The following ACER3 variants were observed in gnomAD, a reference collection of about 807,000 sequenced individuals.
ACER3 encodes the protein alkCDase 3.
A neutral mutation model predicts 48.9 loss-of-function variants in ACER3; 16 were observed. The observed-to-expected ratio is 0.33, with a 90% CI of 0.22 to 0.50. ACER3 has a LOEUF of 0.50. ACER3 is among the 20% of genes least tolerant of loss of function. ACER3 has a pLI of 0.98. For missense variants in ACER3, 227 were observed against 326.0 expected, an observed-to-expected ratio of 0.70 and a Z score of 2.34; for synonymous variants, 109 against 107.8, an observed-to-expected ratio of 1.01 and a Z score of -0.07.
In ACER3 at chr11:77,022,553, C is replaced by T. The variant is rs889650782; in HGVS notation, c.*2226C>T. 3.3e-5 allele frequency: 5 copies of T among 152,190 alleles called. No homozygotes were observed. Among genetic ancestry groups the T allele is most frequent in the African/African-American group, 1.2e-4 (5 of 41,430 alleles). 9.4% of individuals were successfully genotyped at this position (152,190 alleles called of 1,614,324 possible). A position where few individuals can be genotyped will look rare whatever the true frequency, so the allele number is the denominator to read the frequency against. On this transcript the variant is annotated 3_prime_UTR_variant, in exon 11 of 11. Coordinates refer to ENST00000532485, the MANE Select transcript of ACER3 (RefSeq NM_018367.7). ...ACATACTCAAGACTTTGTATCTGTGCAGCATTTTATGGAAATCACTGGTGA... is the reference window on the plus strand; with the variant it reads ...ACATACTCAAGACTTTGTATCTGTGTAGCATTTTATGGAAATCACTGGTGA...
intron 5 of ACER3, among the ~76,000 whole-genome samples, chr11:76,987,534 G>A (rs965017071): frequency 6.6e-6 from 1 of 152,192 alleles, no homozygotes; most frequent in Admixed American, 6.5e-5. Flanking sequence ...AATTACATCT[G>A]AGGCTTTACA....
At chr11:76,887,306 A>G (rs1218804862) in intron 1 of ACER3, among the ~76,000 whole-genome samples, 1 of 152,154 alleles carries the variant, frequency 6.6e-6, no homozygotes, top group Non-Finnish European at 1.5e-5. Context: ...TTTCTAGAAA[A>G]TATTTTCAGT....
chr11:76,875,104 C>CTTTT (rs1403847569), intron 1 of ACER3, among the ~76,000 whole-genome samples: 82 of 50,328 alleles, frequency 1.6e-3, no homozygotes, highest in Middle Eastern at 0.012. Flanking sequence ...ATGAAAAGCA[C>CTTTT]TTCTTTTTTT....
intron 1 of ACER3, among the ~76,000 whole-genome samples, chr11:76,891,539 A>G (rs1945805694): frequency 6.6e-6 from 1 of 152,208 alleles, no homozygotes; most frequent in South Asian, 2.1e-4. Context: ...GTGAGCCATT[A>G]TAGCAAATTA....
chr11:76,970,677 G>C (rs1207563813), intron 3 of ACER3, among the ~76,000 whole-genome samples: 1 of 150,780 alleles, frequency 6.6e-6, no homozygotes, highest in Non-Finnish European at 1.5e-5. Context: ...ATGTAGGTGA[G>C]TTTTTTTTTA....
At chr11:77,014,494 A>G (rs1949327603) in intron 7 of ACER3, among the ~76,000 whole-genome samples, 1 of 152,226 alleles carries the variant, frequency 6.6e-6, no homozygotes, top group African/African-American at 2.4e-5. Context: ...TGATTTAATG[A>G]ATGAATGTGT....
intron 7 of ACER3, among the ~76,000 whole-genome samples, chr11:77,010,109 C>G (rs983372493): frequency 2.0e-5 from 3 of 151,692 alleles, no homozygotes; most frequent in Non-Finnish European, 4.4e-5. Context: ...GGAAAAATGA[C>G]TCCCCTAAGA....
intron 3 of ACER3, among the ~76,000 whole-genome samples, chr11:76,975,872 T>C (rs1455927674): frequency 2.4e-4 from 32 of 134,848 alleles, no homozygotes; most frequent in African/African-American, 8.3e-4. Flanking sequence ...TTTTTTTCTT[T>C]TCTTTTTTTT....
At chr11:76,873,234 G>A (rs1945290823) in intron 1 of ACER3, among the ~76,000 whole-genome samples, 1 of 151,866 alleles carries the variant, frequency 6.6e-6, no homozygotes, top group Non-Finnish European at 1.5e-5. Context: ...AAGCTATCAG[G>A]TGATTCCAGT....
At chr11:76,902,484 A>C (rs1210939657) in intron 1 of ACER3, among the ~76,000 whole-genome samples, 3 of 152,162 alleles carry the variant, frequency 2.0e-5, no homozygotes, top group Non-Finnish European at 4.4e-5. Context: ...TTGTTTTTTT[A>C]CAATGGTCTT....
intron 1 of ACER3, among the ~76,000 whole-genome samples, chr11:76,915,582 G>C (rs1946505821): frequency 6.6e-6 from 1 of 152,146 alleles, no homozygotes; most frequent in South Asian, 2.1e-4. Flanking sequence ...CTAGTGGGTG[G>C]GGGGAGAGCC....
intron 3 of ACER3, among the ~76,000 whole-genome samples, chr11:76,965,694 T>C (rs1010996220): frequency 4.1e-5 from 6 of 147,154 alleles, no homozygotes; most frequent in African/African-American, 1.5e-4. Flanking sequence ...CAGAATTTCA[T>C]ATCCAGCCAA....
intron 1 of ACER3, among the ~76,000 whole-genome samples, chr11:76,896,140 T>C (rs1454387711): frequency 6.6e-6 from 1 of 152,166 alleles, no homozygotes; most frequent in African/African-American, 2.4e-5. Context: ...CCCCTTTAAA[T>C]TTTTGCTTGT....
intron 1 of ACER3, among the ~76,000 whole-genome samples, chr11:76,926,274 C>T (rs1041105889): frequency 5.9e-5 from 9 of 152,122 alleles, no homozygotes; most frequent in African/African-American, 1.7e-4. Context: ...GAGGTTCTTC[C>T]GGAGATCTTT....
In ACER3 at chr11:76,861,096, G is replaced by A; in HGVS notation, c.103+17G>A. 6.5e-7 allele frequency: 1 copy of A among 1,536,312 alleles called. No homozygotes were observed. On this transcript the variant is annotated intron_variant, in intron 1 of 10. Coordinates refer to ENST00000532485, the MANE Select transcript of ACER3 (RefSeq NM_018367.7). ...CCGAGTTCTGTGAGTGTGGCCTGAG[G>A]AGGGGAGTGGGGGCGAGAGGGCACC...
At chr11:76,866,071 C>G (rs1945082372) in intron 1 of ACER3, among the ~76,000 whole-genome samples, 1 of 151,756 alleles carries the variant, frequency 6.6e-6, no homozygotes, top group Non-Finnish European at 1.5e-5. Flanking sequence ...AGTGATCTGC[C>G]CACCTCAGCC....
At chr11:76,892,703 CTT>C (rs2134627667) in intron 1 of ACER3, among the ~76,000 whole-genome samples, 1 of 152,160 alleles carries the variant, frequency 6.6e-6, no homozygotes, top group South Asian at 2.1e-4. Flanking sequence ...AATTTTAAAA[CTT>C]TTATTTTCTA....
chr11:76,968,401 C>G (rs1948196980), intron 3 of ACER3, among the ~76,000 whole-genome samples: 1 of 152,208 alleles, frequency 6.6e-6, no homozygotes, highest in Admixed American at 6.5e-5. Context: ...CAATCCCCAT[C>G]AAGCTACCAA....
At chr11:76,878,239 A>G (rs1945433883) in intron 1 of ACER3, among the ~76,000 whole-genome samples, 1 of 152,024 alleles carries the variant, frequency 6.6e-6, no homozygotes, top group Non-Finnish European at 1.5e-5. Flanking sequence ...TTTAACTATT[A>G]GGTTGGTGCA....
Sources: gnomAD v4.1 joint callset for allele counts (sites outside exome capture counted in the v4.1 genomes callset) on GRCh38, gnomAD v4.1.1 for gene constraint, MANE v1.5 for transcripts, NCBI Gene and HGNC (gene_info 2026-07-23, HGNC 2026-07-21) for gene names.